ARHGAP44: variants seen among roughly 807,000 people sequenced by gnomAD.
ARHGAP44 encodes rho GTPase-activating protein 44.
In ARHGAP44, 43 loss-of-function variants were observed where a neutral mutation model predicts 106.8. That is an observed-to-expected ratio of 0.40 (90% CI 0.32 to 0.52). ARHGAP44 has a LOEUF of 0.52. Among genes scored for constraint, ARHGAP44 ranks in the 20% least tolerant of loss-of-function variants. The pLI is 0.48. For missense variants in ARHGAP44, 866 were observed against 1,050.5 expected, an observed-to-expected ratio of 0.82 and a Z score of 2.43; for synonymous variants, 439 against 410.3, an observed-to-expected ratio of 1.07 and a Z score of -0.85.
chr17:12,856,510 T>C (rs2035916606), intron 1 of ARHGAP44, among the ~76,000 whole-genome samples: 1 of 152,186 alleles, frequency 6.6e-6, no homozygotes, highest in Non-Finnish European at 1.5e-5. Context: ...CCTAGGCAAT[T>C]GTGAAATAAG....
chr17:12,863,285 C>T (rs1457184862), intron 1 of ARHGAP44, among the ~76,000 whole-genome samples: 1 of 151,952 alleles, frequency 6.6e-6, no homozygotes, highest in Admixed American at 6.6e-5. Flanking sequence ...AACAGCCCAA[C>T]GAGAAATAAG....
At chr17:12,888,874 A>G (rs2036959590) in intron 1 of ARHGAP44, among the ~76,000 whole-genome samples, 1 of 152,020 alleles carries the variant, frequency 6.6e-6, no homozygotes, top group Admixed American at 6.6e-5. Flanking sequence ...TTTGTTCTGA[A>G]ATTGTCTTTA....
intron 1 of ARHGAP44, among the ~76,000 whole-genome samples, chr17:12,806,585 A>G (rs1380919452): frequency 6.6e-6 from 1 of 152,184 alleles, no homozygotes; most frequent in Non-Finnish European, 1.5e-5. Flanking sequence ...ATGGTAAATT[A>G]CTGAGTGGCC....
intron 6 of ARHGAP44, among the ~76,000 whole-genome samples, chr17:12,924,201 T>C (rs2150960666): frequency 6.6e-6 from 1 of 152,350 alleles, no homozygotes; most frequent in South Asian, 2.1e-4. Flanking sequence ...TACTGTCAAA[T>C]CCAATTAATT....
At chr17:12,977,497 A>C (rs2039715511) in intron 18 of ARHGAP44, among the ~76,000 whole-genome samples, 1 of 151,988 alleles carries the variant, frequency 6.6e-6, no homozygotes, top group East Asian at 2.0e-4. Context: ...CTGCCTCCAC[A>C]TCCCGCCCAA....
intron 1 of ARHGAP44, among the ~76,000 whole-genome samples, chr17:12,862,612 A>T (rs1354867527): frequency 6.6e-6 from 1 of 152,136 alleles, no homozygotes; most frequent in Admixed American, 6.5e-5. Context: ...CTGTGAAATG[A>T]TGGGGTTGGA....
At chr17:12,939,116 C>T (rs1440817230) in intron 7 of ARHGAP44, among the ~76,000 whole-genome samples, 9 of 152,168 alleles carry the variant, frequency 5.9e-5, no homozygotes, top group African/African-American at 1.9e-4. Flanking sequence ...GCGGGGAAGA[C>T]AGACAGGGTT....
intron 10 of ARHGAP44, among the ~76,000 whole-genome samples, chr17:12,947,248 C>T (rs543082269): frequency 4.6e-5 from 7 of 152,338 alleles, no homozygotes; most frequent in African/African-American, 1.7e-4. Context: ...CAGCAACCCC[C>T]AAATTGCCAA....
rs563081636 is a variant in ARHGAP44 at position 12,920,510 on chromosome 17, G to A, written c.464+679G>A. ...TTTTGGTCTTAGACTTAGATGATGA[G>A]AAGGTGGCAGCCTTACAGAGATCTG... On this transcript the variant is annotated intron_variant, in intron 6 of 20. Coordinates refer to ENST00000379672, the MANE Select transcript of ARHGAP44 (RefSeq NM_014859.6). 8.5e-5 allele frequency among the ~76,000 whole-genome samples: 13 copies of A among 152,192 alleles called. No individual in the cohort carries two copies. The South Asian group carries it at 2.7e-3, about 32-fold the overall frequency.
At position 12,990,064 on chromosome 17, in the gene ARHGAP44, A is replaced by G. The variant is rs1160646420; in HGVS notation, c.2350A>G (p.Ile784Val). ...CCACTTTGATATTCCCTCGATCCAC[A>G]TAGAGCTCGGGTCGACGCTCCGCCT... is the stretch of plus-strand genomic sequence containing the variant. Reference protein sequence around the residue: ...LVHFDIPSIHIELGSTLRLSP... With the variant: ...LVHFDIPSIHVELGSTLRLSP... The change falls in exon 21 of 21, where the codon ATA becomes GTA. Residue 784 changes from isoleucine to valine, a missense_variant. Transcript: ENST00000379672. 1.2e-6 allele frequency: 2 copies of G among 1,612,022 alleles called. No individual in the cohort carries two copies. Among genetic ancestry groups the G allele is most frequent in the East Asian group, 2.2e-5 (1 of 44,640 alleles).
intron 16 of ARHGAP44, among the ~76,000 whole-genome samples, chr17:12,962,072 T>TAA (rs555679666): frequency 8.3e-4 from 123 of 148,084 alleles, no homozygotes; most frequent in Admixed American, 1.8e-3. Context: ...TTGGCCAAGT[T>TAA]AAAAAAAAAT....
chr17:12,977,964 G>A (rs2039729003), intron 18 of ARHGAP44, among the ~76,000 whole-genome samples: 1 of 142,758 alleles, frequency 7.0e-6, no homozygotes. Context: ...CTTGAACCTG[G>A]GAGGCAGAGA....
At chr17:12,828,636 CTTTTTTTTTTTT>C (rs34860101) in intron 1 of ARHGAP44, among the ~76,000 whole-genome samples, 3 of 93,268 alleles carry the variant, frequency 3.2e-5, no homozygotes, top group African/African-American at 9.0e-5. Flanking sequence ...TTTTTTCTTT[CTTTTTTTTTTTT>C]TTTTTTTTTT....
At chr17:12,926,471 A>G (rs1173406233) in intron 6 of ARHGAP44, among the ~76,000 whole-genome samples, 1 of 108,588 alleles carries the variant, frequency 9.2e-6, no homozygotes, top group Non-Finnish European at 1.9e-5. Context: ...TATATAATAT[A>G]TATAATATAT....
At position 12,958,646 on chromosome 17, in the gene ARHGAP44, C is replaced by T. The variant is rs979284181; in HGVS notation, c.1343-71C>T. ...ATACGAGGGAGTGGGTGTCTGGACT[C>T]ATTCCTCCCCTGCCCAGGAAGGGTG... is the stretch of plus-strand genomic sequence containing the variant. On this transcript the variant is annotated intron_variant, in intron 15 of 20. Transcript: ENST00000379672. The surrounding 1 kb of genome is among the most constrained non-coding windows in gnomAD (Gnocchi z 4.1). The T allele has an allele frequency of 3.1e-5, 46 of 1,473,196 alleles. No homozygotes were observed. The East Asian group carries it at 6.9e-4, about 22-fold the overall frequency. 91.3% of individuals were successfully genotyped at this position (1,473,196 alleles called of 1,614,324 possible).
Position 12,900,913 on chromosome 17 carries a change from CTTTT to C in ARHGAP44, c.198+4422_198+4425del, listed in dbSNP as rs3074723. On this transcript the variant is annotated intron_variant, in intron 3 of 20. Coordinates refer to ENST00000379672, the MANE Select transcript of ARHGAP44 (RefSeq NM_014859.6). ...TTCCGAGAGACAGGAGAAAGTTTGGCTTTTTTTTTTTTTTTTTTTTTTTAATTGA... is the reference window on the plus strand; with the variant it reads ...TTCCGAGAGACAGGAGAAAGTTTGGCTTTTTTTTTTTTTTTTTTTAATTGA... Among the ~76,000 whole-genome samples, 492 of 103,592 alleles carry C rather than the reference CTTTT, an allele frequency of 4.7e-3. 7 individuals carry two copies. Among genetic ancestry groups the C allele is most frequent in the African/African-American group, 0.016 (443 of 28,388 alleles). The allele number at this position is 103,592 out of a possible 152,430, so 68.0% of individuals were successfully genotyped here. A position where few individuals can be genotyped will look rare whatever the true frequency, so the allele number is the denominator to read the frequency against.
chr17:12,875,907 G>A (rs1043181104), intron 1 of ARHGAP44, among the ~76,000 whole-genome samples: 1 of 152,114 alleles, frequency 6.6e-6, no homozygotes, highest in African/African-American at 2.4e-5. Flanking sequence ...TGGCGTCATC[G>A]CACTCCAGCC....
intron 18 of ARHGAP44, among the ~76,000 whole-genome samples, chr17:12,979,819 T>C (rs1177479343): frequency 1.3e-5 from 2 of 152,136 alleles, no homozygotes; most frequent in Non-Finnish European, 2.9e-5. Flanking sequence ...GAAAAGGGCA[T>C]TGGCAGTGAG....
chr17:12,911,061 A>C (rs1464881822), intron 4 of ARHGAP44, among the ~76,000 whole-genome samples: 3 of 151,782 alleles, frequency 2.0e-5, no homozygotes, highest in Admixed American at 6.6e-5. Context: ...AAAAAAAAAA[A>C]AAACCACATA....
Sources: allele counts gnomAD v4.1 joint callset (sites outside exome capture counted in the v4.1 genomes callset), GRCh38; gene constraint gnomAD v4.1.1; non-coding constraint Gnocchi (gnomAD v3.1); transcripts MANE v1.5; gene names NCBI Gene and HGNC (gene_info 2026-07-23, HGNC 2026-07-21).